Variants in SLC38A6 observed in about 807,000 individuals in gnomAD.
SLC38A6 encodes the protein solute carrier family 38 member 6.
In SLC38A6, 73 loss-of-function variants were observed where a neutral mutation model predicts 65.0. The ratio of observed to expected loss-of-function variants is 1.12; its 90% confidence interval spans 0.93 to 1.37. The LOEUF (loss-of-function observed/expected upper bound fraction) is 1.37. SLC38A6 is among the 40% of genes most tolerant of loss of function. The pLI, the probability that SLC38A6 is intolerant of heterozygous loss-of-function variation, is 0.00. For synonymous variants in SLC38A6, 183 were observed against 178.8 expected (o/e 1.02, Z -0.19); for missense variants, 561 against 531.1 (o/e 1.06, Z -0.55).
At chr14:61,000,824 A>C (rs569677700) in intron 3 of SLC38A6, among the ~76,000 whole-genome samples, 1 of 152,168 alleles carries the variant, frequency 6.6e-6, no homozygotes. Context: ...TCCATTCAGC[A>C]CTATGAGGTA....
At chr14:61,066,368 T>C (rs1175986669) in intron 15 of SLC38A6, among the ~76,000 whole-genome samples, 1 of 152,180 alleles carries the variant, frequency 6.6e-6, no homozygotes. Context: ...TTGTCCTGCT[T>C]TGCCAAGCTG....
intron 3 of SLC38A6, among the ~76,000 whole-genome samples, chr14:61,010,814 C>T (rs999880694): frequency 3.3e-5 from 5 of 152,226 alleles, no homozygotes; most frequent in Middle Eastern, 3.4e-3. Flanking sequence ...AGTCAGGTAG[C>T]GTGATGCCTC....
downstream of SLC38A6, among the ~76,000 whole-genome samples, chr14:61,053,692 T>C (rs998460865): frequency 6.6e-6 from 1 of 152,238 alleles, no homozygotes; most frequent in African/African-American, 2.4e-5. Context: ...TGTCTTCTTT[T>C]GAGAAGTGTC....
intron 12 of SLC38A6, among the ~76,000 whole-genome samples, chr14:61,047,365 A>G (rs2042215439): frequency 6.6e-6 from 1 of 152,176 alleles, no homozygotes; most frequent in Admixed American, 6.5e-5. Context: ...TTATTGAGCT[A>G]ACATTTAAGA....
intron 12 of SLC38A6, 50 bp from the exon 13 acceptor site, chr14:61,050,462 T>C (rs1449698576): frequency 8.0e-7 from 1 of 1,248,454 alleles, no homozygotes; most frequent in East Asian, 2.7e-5. Context: ...ATTTTGTTAC[T>C]ATTGATACCT....
intron 3 of SLC38A6, among the ~76,000 whole-genome samples, chr14:60,994,652 T>C (rs2038143112): frequency 6.7e-6 from 1 of 149,384 alleles, no homozygotes; most frequent in Non-Finnish European, 1.5e-5. Flanking sequence ...TGCAGTGAGC[T>C]GAGATCATGC....
At chr14:61,003,655 G>T (rs578210537) in intron 3 of SLC38A6, among the ~76,000 whole-genome samples, 17 of 152,278 alleles carry the variant, frequency 1.1e-4, no homozygotes, top group African/African-American at 3.4e-4. Flanking sequence ...TGGTTTATAT[G>T]CTGAGATGCT....
chr14:61,083,343 G>A (rs185109619), intron 16 of SLC38A6, among the ~76,000 whole-genome samples: 92 of 152,294 alleles, frequency 6.0e-4, no homozygotes, highest in African/African-American at 2.1e-3. Flanking sequence ...ACCTCCTCTT[G>A]CCCCTTCAGT....
exon 17 of SLC38A6, chr14:61,083,562 T>C (rs2043740181): frequency 5.8e-6 from 9 of 1,549,924 alleles, no homozygotes; most frequent in Non-Finnish European, 7.8e-6. Flanking sequence ...AAGGAAGAGA[T>C]ACCATGGAGA....
rs1256853474 is a variant in SLC38A6, at chr14:61,015,864, A to G, written c.311-40A>G. 3 of 1,523,958 alleles carry G rather than the reference A, an allele frequency of 2.0e-6. No homozygotes were observed. In the African/African-American group the frequency reaches 4.2e-5, roughly 21 times the overall value. 94.4% of individuals were successfully genotyped at this position (1,523,958 alleles called of 1,614,324 possible). ...TCTCTTTAGGACCTGACACATAAAT[A>G]GTTTTGTGTAAAAGTGAACATTGTA... On this transcript the variant is annotated intron_variant, in intron 3 of 15. Transcript: ENST00000267488.
intron 15 of SLC38A6, among the ~76,000 whole-genome samples, chr14:61,064,259 G>A (rs954046352): frequency 3.9e-5 from 6 of 152,076 alleles, no homozygotes; most frequent in African/African-American, 1.2e-4. Context: ...CCTACTACTC[G>A]TACCCTCTTC....
At chr14:61,015,854 A>G in intron 3 of SLC38A6, 50 bp from the exon 4 acceptor site, 1 of 1,460,754 alleles carries the variant, frequency 6.8e-7, no homozygotes, top group Non-Finnish European at 9.4e-7. Context: ...TTAGGACCTG[A>G]CACATAAATA....
intron 3 of SLC38A6, among the ~76,000 whole-genome samples, chr14:61,003,210 G>A (rs144234707): frequency 3.3e-4 from 50 of 151,864 alleles, no homozygotes; most frequent in East Asian, 1.3e-3. Context: ...ATTGGAAACC[G>A]TTCCCTGCCA....
intron 8 of SLC38A6, among the ~76,000 whole-genome samples, chr14:61,039,942 A>T (rs1013667719): frequency 4.1e-4 from 63 of 152,258 alleles, no homozygotes; most frequent in African/African-American, 1.5e-3. Flanking sequence ...CATTAAAAAA[A>T]TTTAACCTAA....
chr14:61,030,348 C>A, intron 5 of SLC38A6, 97 bp from the exon 6 acceptor site: 1 of 787,378 alleles, frequency 1.3e-6, no homozygotes, highest in Non-Finnish European at 2.0e-6. Flanking sequence ...CATATGTTGT[C>A]ATAGCTCTAA....
chr14:61,013,855 A>G (rs1479574240), intron 3 of SLC38A6, among the ~76,000 whole-genome samples: 1 of 151,920 alleles, frequency 6.6e-6, no homozygotes, highest in South Asian at 2.1e-4. Flanking sequence ...TCTGACAATT[A>G]TATGTTTTGG....
At chr14:61,065,111 G>T (rs1035016440) in intron 15 of SLC38A6, among the ~76,000 whole-genome samples, 4 of 150,516 alleles carry the variant, frequency 2.7e-5, no homozygotes, top group African/African-American at 9.7e-5. Flanking sequence ...AAATCTTTGG[G>T]GTGTGTGTGT....
intron 5 of SLC38A6, among the ~76,000 whole-genome samples, chr14:61,025,800 T>C (rs1189826948): frequency 6.6e-6 from 1 of 152,172 alleles, no homozygotes; most frequent in Non-Finnish European, 1.5e-5. Flanking sequence ...CATATAGAAC[T>C]TCAGTGGCAT....
At chr14:61,002,474 C>T (rs1478293224) in intron 3 of SLC38A6, among the ~76,000 whole-genome samples, 1 of 152,182 alleles carries the variant, frequency 6.6e-6, no homozygotes, top group Admixed American at 6.5e-5. Flanking sequence ...AACCCAGATC[C>T]AAAGATAATA....
Sources: allele counts gnomAD v4.1 joint callset (sites outside exome capture counted in the v4.1 genomes callset), GRCh38; gene constraint gnomAD v4.1.1; transcripts MANE v1.5; gene names NCBI Gene and HGNC (gene_info 2026-07-23, HGNC 2026-07-21).